The following TMEM132D variants were observed in gnomAD, a reference collection of about 807,000 sequenced individuals.
The protein encoded by TMEM132D is mature OL transmembrane protein.
A neutral mutation model predicts 62.3 loss-of-function variants in TMEM132D; 21 were observed. The ratio of observed to expected loss-of-function variants is 0.34; its 90% CI spans 0.24 to 0.49. The LOEUF is 0.49. Among genes scored for constraint, TMEM132D ranks in the 20% least tolerant of loss-of-function variants. The pLI is 0.99. For synonymous variants in TMEM132D, 621 were observed against 575.6 expected (o/e 1.08, Z -1.13); for missense variants, 1,346 against 1,402.8 (o/e 0.96, Z 0.65).
chr12:129,777,368 C>T (rs1381922453), intron 1 of TMEM132D, among the ~76,000 whole-genome samples: 8 of 152,202 alleles, frequency 5.3e-5, no homozygotes. Context: ...TTAATCCAAA[C>T]TTTAAAACAG....
rs73158884 is a variant in TMEM132D, at chr12:129,738,104, C to T, written c.80-37406G>A. On this transcript the variant is annotated intron_variant, in intron 1 of 8. Transcript: ENST00000422113. ...AAGGAGATTAAATGACTCCTCCATTCGTTTTTCAAAATCTTATTTTAAATG... is the reference window on the plus strand; with the variant it reads ...AAGGAGATTAAATGACTCCTCCATTTGTTTTTCAAAATCTTATTTTAAATG... Among the ~76,000 whole-genome samples, 179 of 152,314 alleles carry T rather than the reference C, an allele frequency of 1.2e-3. 1 individual carries two copies. Among genetic ancestry groups the T allele is most frequent in the Non-Finnish European group, 2.2e-3 (153 of 68,026 alleles).
chr12:129,184,611 C>A (rs1030035603), intron 5 of TMEM132D, among the ~76,000 whole-genome samples: 9 of 152,216 alleles, frequency 5.9e-5, no homozygotes, highest in Non-Finnish European at 1.2e-4. Flanking sequence ...GTGGCTATTA[C>A]AACACGAAGT....
chr12:129,205,773 A>G (rs1878832782), intron 5 of TMEM132D, among the ~76,000 whole-genome samples: 1 of 152,058 alleles, frequency 6.6e-6, no homozygotes, highest in African/African-American at 2.4e-5. Flanking sequence ...GACATAAAAC[A>G]ATCCTTAGCA....
Position 129,371,660 on chromosome 12 carries a change from T to C in TMEM132D, c.1116-33843A>G, listed in dbSNP as rs1870607002. 6.6e-6 allele frequency among the ~76,000 whole-genome samples: 1 copy of C among 151,842 alleles called. No homozygotes were observed. Among genetic ancestry groups the C allele is most frequent in the Non-Finnish European group, 1.5e-5 (1 of 67,936 alleles). ...ATGGTGGTGGTGATGGTGATGGTTA[T>C]GATGGTGTGGATGATGATGATGGTG... On this transcript the variant is annotated intron_variant, in intron 3 of 8. Coordinates refer to ENST00000422113, the MANE Select transcript of TMEM132D (RefSeq NM_133448.3). The surrounding 1 kb of genome is among the most constrained non-coding windows in gnomAD (Gnocchi z 4.3).
At chr12:129,370,731 C>T (rs1870571150) in intron 3 of TMEM132D, among the ~76,000 whole-genome samples, 1 of 152,144 alleles carries the variant, frequency 6.6e-6, no homozygotes, top group African/African-American at 2.4e-5. Context: ...TTTTCAGCAA[C>T]ATAAATGGAA....
In TMEM132D at chr12:129,632,317, T is replaced by C. The variant is rs571327406; in HGVS notation, c.968+67493A>G. Among the ~76,000 whole-genome samples the C allele has an allele frequency of 8.5e-5, 13 of 152,298 alleles. No homozygotes were observed. In the South Asian group the frequency reaches 2.7e-3, roughly 32 times the overall value. On this transcript the variant is annotated intron_variant, in intron 2 of 8. Transcript: ENST00000422113. ...GTGCCTACGGCTTGCTTAGTTGGAA[T>C]GGCAGGATTGGGGGTTTTGTTTTCT...
At chr12:129,896,306 G>A (rs958302083) in intron 1 of TMEM132D, among the ~76,000 whole-genome samples, 5 of 152,178 alleles carry the variant, frequency 3.3e-5, no homozygotes, top group Admixed American at 6.5e-5. Context: ...CCTGTCTCGT[G>A]CCTTCTGCTG....
In TMEM132D at chr12:129,772,591, AC is replaced by A. The variant is rs1188917389; in HGVS notation, c.80-71894del. On this transcript the variant is annotated intron_variant, in intron 1 of 8. Coordinates refer to ENST00000422113, the MANE Select transcript of TMEM132D (RefSeq NM_133448.3). The stretch of plus-strand genomic sequence containing the variant: ...CATGGTCTGCAAAGGTCCCCTGAAA[AC>A]AAGGCTCTCCTGCAGCATACATGTC... Among the ~76,000 whole-genome samples, 4 of 152,272 alleles carry A rather than the reference AC, an allele frequency of 2.6e-5. No homozygotes were observed. The East Asian group carries it at 7.7e-4, about 29-fold the overall frequency.
intron 1 of TMEM132D, among the ~76,000 whole-genome samples, chr12:129,807,070 A>G (rs1872014982): frequency 6.6e-6 from 1 of 152,114 alleles, no homozygotes; most frequent in Non-Finnish European, 1.5e-5. Flanking sequence ...TGAATAAAGT[A>G]ATTGCCAAAT....
chr12:129,571,440 C>A (rs117080780), intron 2 of TMEM132D, among the ~76,000 whole-genome samples: 4 of 151,970 alleles, frequency 2.6e-5, no homozygotes, highest in Non-Finnish European at 4.4e-5. Flanking sequence ...GCCGTGGTGG[C>A]GCACGTCTAC....
intron 5 of TMEM132D, chr12:129,110,457 CTGAG>C (rs1013135052): frequency 9.2e-5 from 14 of 152,252 alleles, no homozygotes; most frequent in African/African-American, 2.9e-4. Flanking sequence ...AAAAAATTTT[CTGAG>C]TTTTTGTTTG....
At chr12:129,713,463 T>C (rs1868453516) in intron 1 of TMEM132D, among the ~76,000 whole-genome samples, 1 of 152,118 alleles carries the variant, frequency 6.6e-6, no homozygotes, top group South Asian at 2.1e-4. Flanking sequence ...AAAGGAGCTT[T>C]GTGTGTTTTG....
At chr12:129,667,005 T>TA (rs34396765) in intron 2 of TMEM132D, among the ~76,000 whole-genome samples, 115,631 of 151,966 alleles carry the variant, frequency 0.76, 44,395 homozygotes, top group East Asian at 0.85. Flanking sequence ...GTTAATCTTA[T>TA]AAAAAAATTC....
At chr12:129,451,330 G>T (rs1385196203) in intron 3 of TMEM132D, among the ~76,000 whole-genome samples, 1 of 152,202 alleles carries the variant, frequency 6.6e-6, no homozygotes, top group Non-Finnish European at 1.5e-5. Flanking sequence ...CATGGTAGAT[G>T]AGTCGCTAAA....
At chr12:129,084,411 T>G in intron 6 of TMEM132D, 86 bp downstream of exon 6, 1 of 1,332,572 alleles carries the variant, frequency 7.5e-7, no homozygotes, top group Non-Finnish European at 1.0e-6. Flanking sequence ...GGGTACCACA[T>G]GCATCCTCAG....
chr12:129,821,876 C>T (rs1361241533), intron 1 of TMEM132D, among the ~76,000 whole-genome samples: 1 of 152,158 alleles, frequency 6.6e-6, no homozygotes, highest in African/African-American at 2.4e-5. Context: ...GCTGGTCTTT[C>T]GAAGTGGGGA....
intron 1 of TMEM132D, among the ~76,000 whole-genome samples, chr12:129,767,316 C>G (rs573369864): frequency 6.6e-6 from 1 of 152,234 alleles, no homozygotes; most frequent in Admixed American, 6.5e-5. Flanking sequence ...TAATCTGTCT[C>G]GTGTTAATTT....
At chr12:129,655,078 G>T (rs1262048703) in intron 2 of TMEM132D, among the ~76,000 whole-genome samples, 1 of 151,824 alleles carries the variant, frequency 6.6e-6, no homozygotes, top group Non-Finnish European at 1.5e-5. Flanking sequence ...CTCCACAGTA[G>T]ATGGGACTAC....
chr12:129,207,765 TA>T, intron 5 of TMEM132D, among the ~76,000 whole-genome samples: 1 of 149,006 alleles, frequency 6.7e-6, no homozygotes, highest in African/African-American at 2.5e-5. Context: ...GAATTTTTTT[TA>T]TATAAAAAAA....
Sources: gnomAD v4.1 joint callset for allele counts (sites outside exome capture counted in the v4.1 genomes callset) on GRCh38, gnomAD v4.1.1 for gene constraint, Gnocchi (gnomAD v3.1) non-coding constraint, MANE v1.5 for transcripts, NCBI Gene and HGNC (gene_info 2026-07-23, HGNC 2026-07-21) for gene names.